Variants in SORCS3 observed in about 807,000 individuals in gnomAD.
SORCS3 encodes VPS10 domain-containing receptor SorCS3.
SORCS3 carries 57 observed loss-of-function variants against 146.3 expected under a neutral mutation model. That is an observed-to-expected ratio of 0.39 (90% CI 0.31 to 0.49). The LOEUF (loss-of-function observed/expected upper bound fraction) is 0.49. Among genes scored for constraint, SORCS3 ranks in the 20% least tolerant of loss-of-function variants. The probability of loss-of-function intolerance (pLI) is 0.92; values close to 1 mark genes in which losing one functional copy is unlikely to be tolerated. For missense variants in SORCS3, 1,341 were observed against 1,575.5 expected, an observed-to-expected ratio of 0.85 and a Z score of 2.52; for synonymous variants, 653 against 618.5, an observed-to-expected ratio of 1.06 and a Z score of -0.83.
rs199723431 is a variant in SORCS3, at chr10:105,219,022, A to AT, written c.2734+1900_2734+1901insT. ...AGAGCGAGACCCCGTCTCAAAAAAA[A>AT]ATATATATATATCTTATCTTCAATG... is the stretch of plus-strand genomic sequence containing the variant. On this transcript the variant is annotated intron_variant, in intron 19 of 26. Transcript: ENST00000369701. Among the ~76,000 whole-genome samples the AT allele has an allele frequency of 9.7e-3, 1,469 of 152,048 alleles. 24 individuals carry two copies. Among genetic ancestry groups the AT allele is most frequent in the African/African-American group, 0.03 (1,246 of 41,462 alleles).
intron 1 of SORCS3, among the ~76,000 whole-genome samples, chr10:104,819,603 A>G (rs1043210960): frequency 6.6e-6 from 1 of 152,182 alleles, no homozygotes; most frequent in Non-Finnish European, 1.5e-5. Context: ...GCCACACCCA[A>G]TACTATCCAC....
At chr10:105,256,732 C>A in intron 24 of SORCS3, 87 bp from the exon 25 acceptor site, 3 of 871,370 alleles carry the variant, frequency 3.4e-6, no homozygotes, top group Non-Finnish European at 3.7e-6. Context: ...AGATCAGTGG[C>A]CTCCTTCCTG....
intron 5 of SORCS3, among the ~76,000 whole-genome samples, chr10:105,067,146 C>T (rs558252241): frequency 1.3e-5 from 2 of 152,184 alleles, no homozygotes; most frequent in South Asian, 4.2e-4. Context: ...GAAAAAGAGA[C>T]AAAAAGAAAC....
chr10:105,119,415 T>TA (rs1401592153), intron 7 of SORCS3, among the ~76,000 whole-genome samples: 1 of 152,150 alleles, frequency 6.6e-6, no homozygotes, highest in Non-Finnish European at 1.5e-5. Flanking sequence ...AGCCTCCACA[T>TA]AGAGTCCCTA....
chr10:105,206,104 A>G (rs1484244), intron 16 of SORCS3, among the ~76,000 whole-genome samples: 51,393 of 151,990 alleles, frequency 0.34, 8,827 homozygotes, highest in South Asian at 0.48. Flanking sequence ...TACTCTGCCT[A>G]TGGAGCACAA....
At chr10:104,755,947 C>T (rs2017045451) in intron 1 of SORCS3, among the ~76,000 whole-genome samples, 2 of 152,134 alleles carry the variant, frequency 1.3e-5, no homozygotes, top group South Asian at 4.2e-4. Flanking sequence ...AAGCTGTGCA[C>T]CCAGTTATTG....
At chr10:105,026,002 C>T (rs914328226) in intron 4 of SORCS3, among the ~76,000 whole-genome samples, 1 of 152,068 alleles carries the variant, frequency 6.6e-6, no homozygotes, top group African/African-American at 2.4e-5. Flanking sequence ...TCATCTTTGA[C>T]TCTTTCTCTC....
At chr10:104,673,419 CGTGTGT>C (rs61501873) in intron 1 of SORCS3, among the ~76,000 whole-genome samples, 3 of 146,006 alleles carry the variant, frequency 2.1e-5, no homozygotes, top group African/African-American at 5.0e-5. Flanking sequence ...TTCTTATTTC[CGTGTGT>C]GTGTGTGTGT....
intron 20 of SORCS3, among the ~76,000 whole-genome samples, chr10:105,241,888 C>T (rs1360272261): frequency 6.6e-6 from 1 of 152,006 alleles, no homozygotes; most frequent in East Asian, 1.9e-4. Context: ...GTGTAGAAAA[C>T]CAACTAGGAA....
At chr10:105,023,204 C>G (rs923050018) in intron 4 of SORCS3, among the ~76,000 whole-genome samples, 1 of 152,204 alleles carries the variant, frequency 6.6e-6, no homozygotes, top group Non-Finnish European at 1.5e-5. Context: ...TAAGTGAAGC[C>G]AAAGCCCACA....
At chr10:105,173,991 TA>T (rs1208276267) in intron 13 of SORCS3, among the ~76,000 whole-genome samples, 1 of 152,218 alleles carries the variant, frequency 6.6e-6, no homozygotes, top group Non-Finnish European at 1.5e-5. Flanking sequence ...CCATGATATT[TA>T]TTTCTAACTC....
At chr10:104,818,044 TG>T (rs2017824680) in intron 1 of SORCS3, among the ~76,000 whole-genome samples, 1 of 152,138 alleles carries the variant, frequency 6.6e-6, no homozygotes, top group Non-Finnish European at 1.5e-5. Context: ...TGATTAAACA[TG>T]TTTGGCCTGC....
At chr10:105,237,849 A>G (rs1003411923) in intron 20 of SORCS3, among the ~76,000 whole-genome samples, 57 of 152,228 alleles carry the variant, frequency 3.7e-4, no homozygotes, top group African/African-American at 1.3e-3. Context: ...AATTAAGGAA[A>G]TAACCTTGGA....
At chr10:104,817,465 CCTT>C (rs1197258212) in intron 1 of SORCS3, among the ~76,000 whole-genome samples, 2 of 84,880 alleles carry the variant, frequency 2.4e-5, no homozygotes, top group African/African-American at 8.3e-5. Flanking sequence ...TTCCTCCTCT[CCTT>C]CTTCCTCCTC....
In SORCS3 at chr10:104,991,212, T is replaced by C. The variant is rs530209645; in HGVS notation, c.954+13719T>C. Among the ~76,000 whole-genome samples, 25 of 152,282 alleles carry C rather than the reference T, an allele frequency of 1.6e-4. 1 individual carries two copies. The South Asian group carries it at 5.0e-3, about 30-fold the overall frequency. On this transcript the variant is annotated intron_variant, in intron 4 of 26. Coordinates refer to ENST00000369701, the MANE Select transcript of SORCS3 (RefSeq NM_014978.3). ...AAATGTTCTCTATATTGTTTACTTA[T>C]TGTAGCAGTTTGTTTGGGGTGCTAT... is the stretch of plus-strand genomic sequence containing the variant.
intron 1 of SORCS3, among the ~76,000 whole-genome samples, chr10:104,708,487 G>A (rs1374658436): frequency 6.6e-6 from 1 of 152,196 alleles, no homozygotes; most frequent in Non-Finnish European, 1.5e-5. Flanking sequence ...AGAGATGTTA[G>A]GCCAAAGAAG....
At chr10:104,803,543 A>T (rs1050895862) in intron 1 of SORCS3, among the ~76,000 whole-genome samples, 2 of 152,194 alleles carry the variant, frequency 1.3e-5, no homozygotes, top group Admixed American at 1.3e-4. Flanking sequence ...CCCTTAAAGA[A>T]GGTTTTCCTG....
At chr10:104,822,233 G>C (rs530585703) in intron 1 of SORCS3, 6 of 377,660 alleles carry the variant, frequency 1.6e-5, no homozygotes, top group African/African-American at 1.3e-4. Context: ...CATGGAGGGA[G>C]ATTGTTTAGA....
chr10:105,072,653 CTCTCTCTTTT>C (rs1355135014), intron 5 of SORCS3, among the ~76,000 whole-genome samples: 5 of 17,598 alleles, frequency 2.8e-4, no homozygotes, highest in East Asian at 0.062. Context: ...TTCTTTCTCT[CTCTCTCTTTT>C]TTTTTTTTTT....
Sources: gnomAD v4.1 joint callset for allele counts (sites outside exome capture counted in the v4.1 genomes callset) on GRCh38, gnomAD v4.1.1 for gene constraint, MANE v1.5 for transcripts, NCBI Gene and HGNC (gene_info 2026-07-23, HGNC 2026-07-21) for gene names.